CREB5: variants seen among roughly 807,000 people sequenced by gnomAD.
CREB5 encodes cAMP responsive element binding protein 5, also known as cyclic AMP-responsive element-binding protein 5.
CREB5 carries 19 observed loss-of-function variants against 57.1 expected under a neutral mutation model. That is an observed-to-expected ratio of 0.33 (90% CI 0.23 to 0.49). The LOEUF (loss-of-function observed/expected upper bound fraction) is 0.49, where lower values mean the gene tolerates loss of function less well. Ranked by LOEUF, CREB5 falls within the 20% of genes least tolerant of loss-of-function variation. CREB5 has a pLI of 0.99. For missense variants in CREB5, 579 were observed against 671.6 expected, an observed-to-expected ratio of 0.86 and a Z score of 1.52; for synonymous variants, 238 against 238.3, an observed-to-expected ratio of 1.00 and a Z score of 0.01.
chr7:28,633,270 A>G (rs1271916952), intron 5 of CREB5, among the ~76,000 whole-genome samples: 3 of 152,192 alleles, frequency 2.0e-5, no homozygotes, highest in African/African-American at 4.8e-5. Context: ...TTTTGTTCCA[A>G]AACAAATACT....
At chr7:28,684,152 T>C (rs1372663772) in intron 5 of CREB5, among the ~76,000 whole-genome samples, 2 of 152,224 alleles carry the variant, frequency 1.3e-5, no homozygotes, top group Non-Finnish European at 2.9e-5. Flanking sequence ...TTGAAAATTT[T>C]GTTTTATTTA....
chr7:28,682,403 G>A (rs1175984899), intron 5 of CREB5, among the ~76,000 whole-genome samples: 1 of 152,232 alleles, frequency 6.6e-6, no homozygotes, highest in South Asian at 2.1e-4. Flanking sequence ...TGTGACCAGA[G>A]GGTTCACTGG....
At chr7:28,771,918 C>T (rs1271727964) in intron 7 of CREB5, among the ~76,000 whole-genome samples, 1 of 152,114 alleles carries the variant, frequency 6.6e-6, no homozygotes, top group East Asian at 1.9e-4. Flanking sequence ...CCCAGCCTTC[C>T]TCTGTGTGGC....
chr7:28,532,093 C>A (rs1265746659), intron 4 of CREB5, among the ~76,000 whole-genome samples: 2 of 152,162 alleles, frequency 1.3e-5, no homozygotes, highest in African/African-American at 4.8e-5. Flanking sequence ...ACGCAAGACA[C>A]CAACATTTGT....
chr7:28,652,878 T>TA (rs1170301537), intron 5 of CREB5, among the ~76,000 whole-genome samples: 4 of 152,304 alleles, frequency 2.6e-5, no homozygotes, highest in African/African-American at 9.6e-5. Flanking sequence ...AAAAGATGAT[T>TA]AGTGACCAGT....
At chr7:28,516,479 C>G (rs1159055956) in intron 4 of CREB5, among the ~76,000 whole-genome samples, 1 of 152,138 alleles carries the variant, frequency 6.6e-6, no homozygotes, top group Non-Finnish European at 1.5e-5. Flanking sequence ...AAAAAGAAAC[C>G]CAAAACAGCC....
rs2128811922 is a variant in CREB5, at chr7:28,823,313, G to A, written c.*4034G>A. ...AAGGACCAAAGCAAAATTTGAACAGGAATCTATTAATTTAGAATTTTATAA... is the reference window on the plus strand; with the variant it reads ...AAGGACCAAAGCAAAATTTGAACAGAAATCTATTAATTTAGAATTTTATAA... On this transcript the variant is annotated 3_prime_UTR_variant, in exon 11 of 11. Coordinates refer to ENST00000357727, the MANE Select transcript of CREB5 (RefSeq NM_182898.4). 6.6e-6 allele frequency: 1 copy of A among 152,620 alleles called. No homozygotes were observed. The allele number at this position is 152,620 out of a possible 1,614,324, so 9.5% of individuals were successfully genotyped here. A position where few individuals can be genotyped will look rare whatever the true frequency, so the allele number is the denominator to read the frequency against.
chr7:28,665,573 T>A (rs1241139332), intron 5 of CREB5, among the ~76,000 whole-genome samples: 1 of 152,182 alleles, frequency 6.6e-6, no homozygotes, highest in Non-Finnish European at 1.5e-5. Flanking sequence ...TTAGGAACTT[T>A]ATAAGAAAGT....
intron 4 of CREB5, among the ~76,000 whole-genome samples, chr7:28,562,348 T>C (rs10255337): frequency 0.35 from 53,967 of 152,098 alleles, 9,912 homozygotes; most frequent in Middle Eastern, 0.4. Flanking sequence ...AGAAGATATT[T>C]ATTGTCTTGA....
intron 5 of CREB5, among the ~76,000 whole-genome samples, chr7:28,677,618 A>G (rs1183642140): frequency 6.6e-6 from 1 of 152,158 alleles, no homozygotes; most frequent in Non-Finnish European, 1.5e-5. Context: ...GAGGAGTCAG[A>G]GTGTTCATTA....
At chr7:28,726,191 T>A (rs1430824873) in intron 7 of CREB5, among the ~76,000 whole-genome samples, 6 of 152,142 alleles carry the variant, frequency 3.9e-5, no homozygotes, top group Non-Finnish European at 8.8e-5. Flanking sequence ...AAAATGAATA[T>A]TTCCAGGTCC....
At chr7:28,802,328 T>C (rs991388760) in intron 7 of CREB5, among the ~76,000 whole-genome samples, 2 of 152,202 alleles carry the variant, frequency 1.3e-5, no homozygotes, top group African/African-American at 4.8e-5. Context: ...TTTATTTATT[T>C]TTTTTCTTAG....
At chr7:28,589,586 GTTGATATT>G (rs1319299094) in intron 5 of CREB5, among the ~76,000 whole-genome samples, 2 of 152,070 alleles carry the variant, frequency 1.3e-5, no homozygotes, top group African/African-American at 4.8e-5. Flanking sequence ...AGAAAACAGA[GTTGATATT>G]TCTTTGTGGT....
At chr7:28,557,318 A>G (rs761187110) in intron 4 of CREB5, among the ~76,000 whole-genome samples, 7 of 152,228 alleles carry the variant, frequency 4.6e-5, no homozygotes, top group Non-Finnish European at 8.8e-5. Flanking sequence ...AAATTTTAAA[A>G]ATTAAGGAAT....
chr7:28,513,096 C>T (rs539207232), intron 4 of CREB5, among the ~76,000 whole-genome samples: 6 of 152,310 alleles, frequency 3.9e-5, no homozygotes, highest in Admixed American at 2.0e-4. Context: ...TCATGTTACC[C>T]GATGCCACCC....
intron 5 of CREB5, among the ~76,000 whole-genome samples, chr7:28,580,134 G>C (rs777081192): frequency 3.3e-5 from 5 of 152,158 alleles, no homozygotes; most frequent in Non-Finnish European, 5.9e-5. Flanking sequence ...TGTTGAGTCA[G>C]TGTATATTTA....
chr7:28,553,392 C>T (rs1289425989), intron 4 of CREB5, among the ~76,000 whole-genome samples: 1 of 152,164 alleles, frequency 6.6e-6, no homozygotes, highest in Non-Finnish European at 1.5e-5. Context: ...TGTAATCTTT[C>T]ATTAGCCAAC....
At chr7:28,771,582 G>A (rs975688675) in intron 7 of CREB5, among the ~76,000 whole-genome samples, 21 of 152,000 alleles carry the variant, frequency 1.4e-4, no homozygotes, top group African/African-American at 4.6e-4. Flanking sequence ...TGAGGAGCAG[G>A]GCAACCCTTC....
chr7:28,817,299 A>G (rs73291333), intron 9 of CREB5, among the ~76,000 whole-genome samples: 2,899 of 152,204 alleles, frequency 0.019, 93 homozygotes, highest in African/African-American at 0.066. Flanking sequence ...ATGCTTCCAT[A>G]CCTCCTGCTC....
Sources: gnomAD v4.1 joint callset for allele counts (sites outside exome capture counted in the v4.1 genomes callset) on GRCh38, gnomAD v4.1.1 for gene constraint, MANE v1.5 for transcripts, NCBI Gene and HGNC (gene_info 2026-07-23, HGNC 2026-07-21) for gene names.